The following PRDM11 variants were observed in gnomAD, a reference collection of about 807,000 sequenced individuals.
The protein encoded by PRDM11 is PR domain-containing protein 11.
A neutral mutation model predicts 97.8 loss-of-function variants in PRDM11; 20 were observed. That is an observed-to-expected ratio of 0.20 (90% CI 0.14 to 0.30). The LOEUF is 0.30. Among genes scored for constraint, PRDM11 ranks in the 10% least tolerant of loss-of-function variants. The pLI, the probability that PRDM11 is intolerant of heterozygous loss-of-function variation, is 1.00. For synonymous variants in PRDM11, 599 were observed against 637.7 expected, an observed-to-expected ratio of 0.94 and a Z score of 0.91; for missense variants, 1,139 against 1,555.2, an observed-to-expected ratio of 0.73 and a Z score of 4.50.
chr11:45,204,879 C>T, intron 5 of PRDM11, 101 bp downstream of exon 5: 2 of 1,263,484 alleles, frequency 1.6e-6, no homozygotes, highest in African/African-American at 3.0e-5. Flanking sequence ...GTGGAGACTT[C>T]TGGAGGCTGC....
chr11:45,201,247 A>G (rs1045410092), intron 4 of PRDM11, among the ~76,000 whole-genome samples: 7 of 152,218 alleles, frequency 4.6e-5, no homozygotes, highest in Non-Finnish European at 1.0e-4. Flanking sequence ...TTGCCTTTTA[A>G]AAATATATCA....
intron 5 of PRDM11, among the ~76,000 whole-genome samples, chr11:45,207,337 A>T (rs1220212734): frequency 6.6e-6 from 1 of 152,192 alleles, no homozygotes; most frequent in Non-Finnish European, 1.5e-5. Flanking sequence ...CAGGAGGCGA[A>T]TGGGCACTGT....
intron 1 of PRDM11, among the ~76,000 whole-genome samples, chr11:45,105,270 G>T (rs555076661): frequency 6.6e-6 from 1 of 152,136 alleles, no homozygotes; most frequent in African/African-American, 2.4e-5. Flanking sequence ...CCATCACATC[G>T]GTGATTAGGT....
At chr11:45,201,195 A>G (rs1478132053) in intron 4 of PRDM11, among the ~76,000 whole-genome samples, 3 of 152,236 alleles carry the variant, frequency 2.0e-5, no homozygotes, top group African/African-American at 7.2e-5. Context: ...CATCAGTCAA[A>G]TGTAGTAAAA....
At chr11:45,218,065 A>T (rs1854008776) in intron 5 of PRDM11, among the ~76,000 whole-genome samples, 1 of 152,192 alleles carries the variant, frequency 6.6e-6, no homozygotes, top group South Asian at 2.1e-4. Context: ...TTTCCATGTC[A>T]TAAAAGATTC....
At chr11:45,155,026 A>C (rs1378469543) in intron 1 of PRDM11, among the ~76,000 whole-genome samples, 1 of 152,136 alleles carries the variant, frequency 6.6e-6, no homozygotes, top group Non-Finnish European at 1.5e-5. Flanking sequence ...CTTGGGGTAG[A>C]AAGGGGGGTA....
intron 4 of PRDM11, among the ~76,000 whole-genome samples, chr11:45,196,054 G>A (rs1853112249): frequency 6.6e-6 from 1 of 152,140 alleles, no homozygotes; most frequent in Non-Finnish European, 1.5e-5. Flanking sequence ...GAGTGGAATG[G>A]TAACTCAAGG....
chr11:45,128,510 T>TC (rs1003969030), intron 1 of PRDM11, among the ~76,000 whole-genome samples: 1 of 62,680 alleles, frequency 1.6e-5, no homozygotes, highest in Non-Finnish European at 3.4e-5. Context: ...GCACCCCCCC[T>TC]CCCCCCGCTG....
chr11:45,185,424 A>G (rs1191025941), intron 4 of PRDM11, among the ~76,000 whole-genome samples: 1 of 152,230 alleles, frequency 6.6e-6, no homozygotes, highest in Non-Finnish European at 1.5e-5. Flanking sequence ...GTGACCAGGC[A>G]TAGTCATTTC....
intron 4 of PRDM11, among the ~76,000 whole-genome samples, chr11:45,195,776 A>C (rs1425916249): frequency 6.6e-6 from 1 of 151,442 alleles, no homozygotes; most frequent in Non-Finnish European, 1.5e-5. Context: ...GAGGTTTTGC[A>C]TGTTGGCCAG....
At chr11:45,175,378 G>A (rs772118221) in intron 1 of PRDM11, among the ~76,000 whole-genome samples, 1 of 152,106 alleles carries the variant, frequency 6.6e-6, no homozygotes, top group Non-Finnish European at 1.5e-5. Flanking sequence ...CATATAGTTG[G>A]AATCATACAG....
In PRDM11 at chr11:45,229,967, G is replaced by A. The variant is rs1741513995; in HGVS notation, c.*1808G>A. 1.3e-5 allele frequency: 2 copies of A among 152,036 alleles called. No homozygotes were observed. Among genetic ancestry groups the A allele is most frequent in the Admixed American group, 6.6e-5 (1 of 15,252 alleles). 9.4% of individuals were successfully genotyped at this position (152,036 alleles called of 1,614,324 possible). A position where few individuals can be genotyped will look rare whatever the true frequency, so the allele number is the denominator to read the frequency against. ...CCTCATGCCACCGTTGAGAACCATAGTGGAAATGTCATCAACACTGAACAT... is the reference window on the plus strand; with the variant it reads ...CCTCATGCCACCGTTGAGAACCATAATGGAAATGTCATCAACACTGAACAT... On this transcript the variant is annotated 3_prime_UTR_variant, in exon 8 of 8. Transcript: ENST00000683152.
chr11:45,227,715 G>A lies in PRDM11; in HGVS notation c.3090G>A (p.Gly1030=). 1 of 1,533,880 alleles carries A rather than the reference G, an allele frequency of 6.5e-7. No individual in the cohort carries two copies. Among genetic ancestry groups the A allele is most frequent in the Non-Finnish European group, 8.7e-7 (1 of 1,146,714 alleles). ...PTFSRDVCRE[G]LDPRGSLLME... ...TTTCCCGGGATGTCTGTAGGGAAGG[G>A]CTGGACCCCCGGGGTAGTCTGTTGA... Residue 1030 remains glycine (G), a synonymous_variant, in exon 8 of 8, where the codon GGG becomes GGA. Transcript: ENST00000683152. The surrounding 1 kb of genome is among the most constrained non-coding windows in gnomAD (Gnocchi z 8.0).
upstream of PRDM11, among the ~76,000 whole-genome samples, chr11:45,146,123 C>T (rs1851502263): frequency 6.6e-6 from 1 of 152,204 alleles, no homozygotes; most frequent in Non-Finnish European, 1.5e-5. Flanking sequence ...AGCCCCTCAC[C>T]CTCAGCCTTC....
chr11:45,222,520 C>T (rs977615894), intron 6 of PRDM11, among the ~76,000 whole-genome samples: 1 of 152,236 alleles, frequency 6.6e-6, no homozygotes, highest in African/African-American at 2.4e-5. Context: ...CCATCTCTCC[C>T]CTTTCTGTAG....
intron 5 of PRDM11, among the ~76,000 whole-genome samples, chr11:45,218,732 C>T (rs913013378): frequency 6.6e-6 from 1 of 152,228 alleles, no homozygotes; most frequent in Non-Finnish European, 1.5e-5. Context: ...GGCTGGATGT[C>T]GCACATGTTG....
At chr11:45,095,623 A>G (rs958552801), upstream of PRDM11, among the ~76,000 whole-genome samples, 2 of 152,198 alleles carry the variant, frequency 1.3e-5, no homozygotes, top group African/African-American at 4.8e-5. Context: ...CTGCAATTAC[A>G]TGTCACTATG....
chr11:45,204,769 A>C lies in PRDM11; in HGVS notation c.545A>C (p.Asn182Thr). ...SIDGSDETKA[N>T]WMRYVVISRE... The stretch of plus-strand genomic sequence containing the variant: ...GATGGCTCAGACGAGACCAAAGCCA[A>C]CTGGATGAGGTGAGCCCTGCTCTGC... The change falls in exon 5 of 8, where the codon AAC becomes ACC. Residue 182 changes from asparagine (N) to threonine (T), a missense_variant. Physicochemically the swap from Asn to Thr is moderately conservative, Grantham distance 65 (BLOSUM62 0). This residue lies in a region of PRDM11 where 429 missense variants were observed against 510.3 expected (regional missense o/e 0.84). Transcript: ENST00000683152. 6.2e-7 allele frequency: 1 copy of C among 1,611,084 alleles called. No homozygotes were observed. The highest frequency in any genetic ancestry group is 8.5e-7 in the Non-Finnish European group (1 of 1,177,202).
At chr11:45,098,459 C>T (rs188416703) in intron 1 of PRDM11, among the ~76,000 whole-genome samples, 4 of 152,238 alleles carry the variant, frequency 2.6e-5, no homozygotes, top group East Asian at 1.9e-4. Context: ...CCAATCATTA[C>T]GAGATAGAGG....
Sources: gnomAD v4.1 joint callset for allele counts (sites outside exome capture counted in the v4.1 genomes callset) on GRCh38, gnomAD v4.1.1 for gene constraint, gnomAD v4.1.1 regional missense constraint, Gnocchi (gnomAD v3.1) non-coding constraint, MANE v1.5 for transcripts, NCBI Gene and HGNC (gene_info 2026-07-23, HGNC 2026-07-21) for gene names.